Variants in PLD5 observed in about 807,000 individuals in gnomAD.
The protein encoded by PLD5 is inactive phospholipase D5.
A neutral mutation model predicts 61.1 loss-of-function variants in PLD5; 36 were observed. That is an observed-to-expected ratio of 0.59 (90% CI 0.45 to 0.78). The LOEUF (loss-of-function observed/expected upper bound fraction) is 0.78. Among genes scored for constraint, PLD5 ranks in the 30% least tolerant of loss-of-function variants. The pLI is 0.00. For missense variants in PLD5, 515 were observed against 644.4 expected (o/e 0.80, Z 2.17); for synonymous variants, 243 against 242.8 (o/e 1.00, Z -0.01).
chr1:242,245,156 G>C (rs1672283480), intron 4 of PLD5, among the ~76,000 whole-genome samples: 1 of 152,080 alleles, frequency 6.6e-6, no homozygotes, highest in African/African-American at 2.4e-5. Flanking sequence ...GACTTCTGTG[G>C]GTTAGGAAAA....
intron 8 of PLD5, among the ~76,000 whole-genome samples, chr1:242,101,944 T>C (rs895195483): frequency 1.3e-5 from 2 of 152,200 alleles, no homozygotes; most frequent in Non-Finnish European, 2.9e-5. Context: ...ACATTATCTG[T>C]GTGGCTCTCA....
intron 2 of PLD5, among the ~76,000 whole-genome samples, chr1:242,292,394 C>A (rs1675419989): frequency 6.6e-6 from 1 of 152,110 alleles, no homozygotes. Context: ...CAAGAGGAGA[C>A]ACAGGAAGCC....
intron 5 of PLD5, among the ~76,000 whole-genome samples, chr1:242,174,728 G>A (rs1395266682): frequency 2.6e-5 from 4 of 152,040 alleles, no homozygotes; most frequent in Admixed American, 2.6e-4. Context: ...CATAAAAAAT[G>A]ATGAGTTCAT....
intron 1 of PLD5, among the ~76,000 whole-genome samples, chr1:242,350,114 T>C (rs982036030): frequency 6.6e-6 from 1 of 152,112 alleles, no homozygotes; most frequent in Non-Finnish European, 1.5e-5. Context: ...TACAGCAAGA[T>C]GGCACCATAG....
chr1:242,478,277 C>T (rs1456028036), intron 1 of PLD5, among the ~76,000 whole-genome samples: 1 of 152,090 alleles, frequency 6.6e-6, no homozygotes, highest in Admixed American at 6.5e-5. Context: ...AAGCTCTGTC[C>T]TAGGAAGGCC....
chr1:242,326,601 A>G (rs1455094854), intron 2 of PLD5, among the ~76,000 whole-genome samples: 3 of 152,112 alleles, frequency 2.0e-5, no homozygotes, highest in Non-Finnish European at 2.9e-5. Flanking sequence ...CTACAGCCCA[A>G]TCTCTGCTTG....
At chr1:242,392,310 G>A (rs1296243613) in intron 1 of PLD5, among the ~76,000 whole-genome samples, 1 of 152,060 alleles carries the variant, frequency 6.6e-6, no homozygotes, top group African/African-American at 2.4e-5. Flanking sequence ...GGAGTACTAC[G>A]TTCACTACCT....
intron 5 of PLD5, among the ~76,000 whole-genome samples, chr1:242,158,142 C>T (rs1665534575): frequency 6.6e-6 from 1 of 152,196 alleles, no homozygotes; most frequent in Admixed American, 6.5e-5. Flanking sequence ...TCAGCAATGG[C>T]AGACGCCCCT....
At chr1:242,276,874 C>T (rs1423105696) in intron 3 of PLD5, among the ~76,000 whole-genome samples, 2 of 152,110 alleles carry the variant, frequency 1.3e-5, no homozygotes, top group African/African-American at 4.8e-5. Flanking sequence ...AGTTCATCAT[C>T]AAGGCCTTGC....
intron 3 of PLD5, among the ~76,000 whole-genome samples, chr1:242,268,911 C>T (rs746337750): frequency 1.3e-5 from 2 of 152,082 alleles, no homozygotes; most frequent in African/African-American, 2.4e-5. Flanking sequence ...GATGTGATCT[C>T]GGCTCACTGC....
Position 242,353,852 on chromosome 1 carries a change from C to T in PLD5, c.190-5610G>A, listed in dbSNP as rs547052968. Among the ~76,000 whole-genome samples, 144 of 150,764 alleles carry T rather than the reference C, an allele frequency of 9.6e-4. 2 individuals are homozygous for T. The highest frequency in any genetic ancestry group is 3.2e-3 in the African/African-American group (134 of 41,336). ...TTTCACCTCCTTGATTAAATTTATTCCTATTTTATTTTTTATAACTATTAT... is the reference window on the plus strand; with the variant it reads ...TTTCACCTCCTTGATTAAATTTATTTCTATTTTATTTTTTATAACTATTAT... On this transcript the variant is annotated intron_variant, in intron 1 of 9. Transcript: ENST00000536534.
intron 1 of PLD5, among the ~76,000 whole-genome samples, chr1:242,516,606 G>GA (rs1178345782): frequency 4.6e-4 from 70 of 152,126 alleles, no homozygotes; most frequent in Admixed American, 2.0e-4. Context: ...CTGCATTACA[G>GA]AGTCACTTTT....
chr1:242,459,328 C>G (rs931900991), intron 1 of PLD5, among the ~76,000 whole-genome samples: 2 of 152,196 alleles, frequency 1.3e-5, no homozygotes, highest in African/African-American at 4.8e-5. Context: ...CTCAAGCACA[C>G]TTACCTGCTT....
intron 2 of PLD5, among the ~76,000 whole-genome samples, chr1:242,340,417 G>C (rs1299210377): frequency 6.6e-6 from 1 of 151,476 alleles, no homozygotes; most frequent in Non-Finnish European, 1.5e-5. Flanking sequence ...AGTTAATGTA[G>C]ATAAGGGGAA....
At chr1:242,366,877 G>GT (rs1558500897) in intron 1 of PLD5, among the ~76,000 whole-genome samples, 1 of 151,878 alleles carries the variant, frequency 6.6e-6, no homozygotes, top group Non-Finnish European at 1.5e-5. Flanking sequence ...TAATTTTTGT[G>GT]TTTTACAACC....
At chr1:242,317,827 A>G (rs1229868448) in intron 2 of PLD5, among the ~76,000 whole-genome samples, 1 of 152,082 alleles carries the variant, frequency 6.6e-6, no homozygotes, top group East Asian at 1.9e-4. Flanking sequence ...AATGCCAGAG[A>G]AATGTTCCAC....
intron 5 of PLD5, among the ~76,000 whole-genome samples, chr1:242,171,851 A>G (rs6659280): frequency 0.088 from 13,431 of 152,206 alleles, 754 homozygotes; most frequent in African/African-American, 0.16. Flanking sequence ...GCTTATCATC[A>G]TAAATATATA....
At chr1:242,356,800 G>A (rs1480094873) in intron 1 of PLD5, among the ~76,000 whole-genome samples, 3 of 152,010 alleles carry the variant, frequency 2.0e-5, no homozygotes, top group East Asian at 3.9e-4. Flanking sequence ...TTGATTACAT[G>A]TAACAATTCT....
intron 5 of PLD5, chr1:242,188,659 C>T (rs537562037): frequency 8.5e-5 from 13 of 152,284 alleles, no homozygotes; most frequent in South Asian, 8.3e-4. Context: ...TATGGTTCAC[C>T]GTGTAAATAG....
Sources: allele counts gnomAD v4.1 joint callset (sites outside exome capture counted in the v4.1 genomes callset), GRCh38; gene constraint gnomAD v4.1.1; transcripts MANE v1.5; gene names NCBI Gene and HGNC (gene_info 2026-07-23, HGNC 2026-07-21).